The following NRXN3 variants were observed in gnomAD, a reference collection of about 807,000 sequenced individuals.
NRXN3 encodes the protein neurexin 3, also known as neurexin III.
NRXN3 carries 32 observed loss-of-function variants against 137.6 expected under a neutral mutation model. The observed-to-expected ratio is 0.23, with a 90% confidence interval of 0.18 to 0.31. NRXN3 has a LOEUF of 0.31. NRXN3 is among the 10% of genes least tolerant of loss of function. The probability of loss-of-function intolerance (pLI) is 1.00; values close to 1 mark genes in which losing one functional copy is unlikely to be tolerated. For missense variants in NRXN3, 1,574 were observed against 2,062.5 expected (o/e 0.76, Z 4.59); for synonymous variants, 798 against 784.5 (o/e 1.02, Z -0.29).
intron 15 of NRXN3, among the ~76,000 whole-genome samples, chr14:79,422,992 C>T (rs527795125): frequency 4.6e-5 from 7 of 152,214 alleles, no homozygotes; most frequent in African/African-American, 1.4e-4. Flanking sequence ...GTCACCGCGC[C>T]CGGCCTAGTC....
intron 4 of NRXN3, among the ~76,000 whole-genome samples, chr14:78,416,570 C>A (rs2093150396): frequency 6.6e-6 from 1 of 152,166 alleles, no homozygotes; most frequent in Non-Finnish European, 1.5e-5. Flanking sequence ...TCATCTAAGT[C>A]ACTCCCCATG....
intron 4 of NRXN3, among the ~76,000 whole-genome samples, chr14:78,540,547 T>C (rs2096580048): frequency 6.6e-6 from 1 of 151,032 alleles, no homozygotes; most frequent in Non-Finnish European, 1.5e-5. Flanking sequence ...TACAGCACAC[T>C]GATGGATCTT....
At position 79,864,219 on chromosome 14, in the gene NRXN3, G is replaced by A. The variant is rs982423953; in HGVS notation, c.*2255G>A. The A allele has an allele frequency of 6.6e-6, 1 of 152,446 alleles. No individual in the cohort carries two copies. The highest frequency in any genetic ancestry group is 1.5e-5 in the Non-Finnish European group (1 of 67,996). 9.4% of individuals were successfully genotyped at this position (152,446 alleles called of 1,614,324 possible). A position where few individuals can be genotyped will look rare whatever the true frequency, so the allele number is the denominator to read the frequency against. On this transcript the variant is annotated 3_prime_UTR_variant, in exon 21 of 21. Coordinates refer to ENST00000335750, the MANE Select transcript of NRXN3 (RefSeq NM_001330195.2). ...ATACATTTGTTATATTCCTTTCAGTGTAAGTTTCTATTTGGACAATTTTAT... is the reference window on the plus strand; with the variant it reads ...ATACATTTGTTATATTCCTTTCAGTATAAGTTTCTATTTGGACAATTTTAT...
chr14:79,005,566 G>T (rs75291555), intron 15 of NRXN3, among the ~76,000 whole-genome samples: 1 of 152,070 alleles, frequency 6.6e-6, no homozygotes, highest in Non-Finnish European at 1.5e-5. Context: ...AAGACATTTT[G>T]GGACTTTTCT....
intron 15 of NRXN3, among the ~76,000 whole-genome samples, chr14:79,094,004 C>G (rs2049756933): frequency 6.6e-6 from 1 of 152,058 alleles, no homozygotes; most frequent in Admixed American, 6.6e-5. Context: ...ATGCATTTAT[C>G]AGGAGCCCCC....
chr14:78,416,790 T>C (rs1165423818), intron 4 of NRXN3, among the ~76,000 whole-genome samples: 1 of 152,128 alleles, frequency 6.6e-6, no homozygotes, highest in East Asian at 1.9e-4. Flanking sequence ...AGGAAAACTG[T>C]ACTGCTGCAG....
At chr14:78,353,149 C>T (rs1176407442) in intron 4 of NRXN3, among the ~76,000 whole-genome samples, 1 of 152,092 alleles carries the variant, frequency 6.6e-6, no homozygotes, top group Non-Finnish European at 1.5e-5. Flanking sequence ...TGGAGAGAGG[C>T]TGAGTAGCTG....
chr14:79,529,597 G>C (rs1349252816), intron 16 of NRXN3, among the ~76,000 whole-genome samples: 2 of 152,154 alleles, frequency 1.3e-5, no homozygotes, highest in Non-Finnish European at 2.9e-5. Context: ...ACCAGAAATA[G>C]CAATTTTTCA....
intron 20 of NRXN3, among the ~76,000 whole-genome samples, chr14:79,807,712 C>G (rs1490873313): frequency 6.6e-6 from 1 of 152,226 alleles, no homozygotes; most frequent in Admixed American, 6.5e-5. Flanking sequence ...GACAGAACCC[C>G]TACCTTTAAA....
intron 19 of NRXN3, among the ~76,000 whole-genome samples, chr14:79,797,708 T>C (rs1305546823): frequency 2.0e-5 from 3 of 152,092 alleles, no homozygotes; most frequent in Non-Finnish European, 4.4e-5. Flanking sequence ...TGGGCTTAAA[T>C]TGAGTGAGTG....
intron 19 of NRXN3, among the ~76,000 whole-genome samples, chr14:79,720,583 ATTCTGTGCTG>A (rs2098841110): frequency 6.6e-6 from 1 of 152,108 alleles, no homozygotes; most frequent in Non-Finnish European, 1.5e-5. Context: ...CTAGAGAGCC[ATTCTGTGCTG>A]CTATGCAATC....
intron 19 of NRXN3, among the ~76,000 whole-genome samples, chr14:79,775,984 CT>C (rs1423202520): frequency 6.6e-6 from 1 of 152,106 alleles, no homozygotes; most frequent in Non-Finnish European, 1.5e-5. Context: ...AAAGTAGGTT[CT>C]TCATAAATAG....
intron 15 of NRXN3, among the ~76,000 whole-genome samples, chr14:79,160,777 G>A (rs1169195996): frequency 6.6e-6 from 1 of 151,970 alleles, no homozygotes; most frequent in African/African-American, 2.4e-5. Context: ...GGCAGAAGCT[G>A]ACAGATGGCA....
intron 16 of NRXN3, among the ~76,000 whole-genome samples, chr14:79,659,060 C>T (rs1266942647): frequency 6.6e-6 from 1 of 152,096 alleles, no homozygotes; most frequent in African/African-American, 2.4e-5. Flanking sequence ...CCAATAACTG[C>T]AGTGTGACTG....
chr14:79,045,104 T>C (rs2099631071), intron 15 of NRXN3, among the ~76,000 whole-genome samples: 1 of 152,094 alleles, frequency 6.6e-6, no homozygotes, highest in South Asian at 2.1e-4. Flanking sequence ...GGCATAGAAA[T>C]ATAGGAAATG....
At chr14:79,735,868 G>A (rs955228322) in intron 19 of NRXN3, among the ~76,000 whole-genome samples, 1 of 152,166 alleles carries the variant, frequency 6.6e-6, no homozygotes, top group African/African-American at 2.4e-5. Flanking sequence ...CTTCCAAAAT[G>A]TGTTTAAAAT....
intron 10 of NRXN3, among the ~76,000 whole-genome samples, chr14:78,920,198 A>G (rs757920632): frequency 2.0e-5 from 3 of 152,158 alleles, no homozygotes; most frequent in African/African-American, 7.2e-5. Flanking sequence ...AGCAGCCACA[A>G]TCTAGAGCCT....
intron 19 of NRXN3, among the ~76,000 whole-genome samples, chr14:79,763,956 C>G (rs1298351039): frequency 6.7e-6 from 1 of 148,264 alleles, no homozygotes; most frequent in African/African-American, 2.6e-5. Context: ...TTGCTTTAAA[C>G]AATTTATTTA....
At chr14:78,645,472 G>T in intron 5 of NRXN3, 51 bp downstream of exon 5, 1 of 1,480,442 alleles carries the variant, frequency 6.8e-7, no homozygotes, top group African/African-American at 1.4e-5. Flanking sequence ...AGGTGGCTGG[G>T]TAGTAAATTT....
Sources: allele counts gnomAD v4.1 joint callset (sites outside exome capture counted in the v4.1 genomes callset), GRCh38; gene constraint gnomAD v4.1.1; transcripts MANE v1.5; gene names NCBI Gene and HGNC (gene_info 2026-07-23, HGNC 2026-07-21).